HIVEP3: variants seen among roughly 807,000 people sequenced by gnomAD.
The protein encoded by HIVEP3 is transcription factor HIVEP3.
HIVEP3 carries 49 observed loss-of-function variants against 152.8 expected under a neutral mutation model. The ratio of observed to expected loss-of-function variants is 0.32; its 90% CI spans 0.26 to 0.41. HIVEP3 has a LOEUF of 0.41. HIVEP3 is among the 10% of genes least tolerant of loss of function. The probability of loss-of-function intolerance (pLI) is 1.00; values close to 1 mark genes in which losing one functional copy is unlikely to be tolerated. For missense variants in HIVEP3, 2,790 were observed against 3,103.3 expected, an observed-to-expected ratio of 0.90 and a Z score of 2.40; for synonymous variants, 1,269 against 1,289.0, an observed-to-expected ratio of 0.98 and a Z score of 0.33.
rs1644959533 is a variant in HIVEP3 at position 41,924,756 on chromosome 1, A to G, written n.120-6232T>C. The stretch of plus-strand genomic sequence containing the variant: ...AGTGATCATGAGAATGTCCTTATGC[A>G]GCTGTAGTCTCTGTTCCAGAGCTTT... On this transcript the variant is annotated intron_variant and non_coding_transcript_variant, in intron 1 of 3. Coordinates refer to the HIVEP3 transcript ENST00000489103. Among the ~76,000 whole-genome samples the G allele has an allele frequency of 2.0e-5, 3 of 152,194 alleles. No homozygotes were observed. The South Asian group carries it at 6.2e-4, about 32-fold the overall frequency.
chr1:41,999,383 C>T (rs565280013), intron 1 of HIVEP3, among the ~76,000 whole-genome samples: 1 of 152,052 alleles, frequency 6.6e-6, no homozygotes, highest in Non-Finnish European at 1.5e-5. Context: ...AAAATTAACT[C>T]ATAAAAGTGC....
At chr1:41,793,332 T>G (rs1255671125) in intron 1 of HIVEP3, among the ~76,000 whole-genome samples, 4 of 152,236 alleles carry the variant, frequency 2.6e-5, no homozygotes. Context: ...CCTGGTTCTC[T>G]GACTGCTTCA....
intron 2 of HIVEP3, among the ~76,000 whole-genome samples, chr1:41,682,993 G>C (rs1377686107): frequency 1.3e-5 from 2 of 152,200 alleles, no homozygotes; most frequent in Non-Finnish European, 2.9e-5. Flanking sequence ...ATCTAAACTG[G>C]GTCTTAAATG....
intron 1 of HIVEP3, among the ~76,000 whole-genome samples, chr1:41,949,828 C>T (rs553412945): frequency 6.6e-6 from 1 of 152,180 alleles, no homozygotes; most frequent in Non-Finnish European, 1.5e-5. Flanking sequence ...GATCCCTGGA[C>T]CAGCCTGCTA....
intron 1 of HIVEP3, among the ~76,000 whole-genome samples, chr1:41,999,224 G>T (rs368122833): frequency 1.1e-4 from 16 of 151,972 alleles, no homozygotes; most frequent in African/African-American, 3.9e-4. Flanking sequence ...TAAAAGCAAC[G>T]CATGCCCCGT....
intron 1 of HIVEP3, among the ~76,000 whole-genome samples, chr1:41,758,737 GT>G (rs1647477381): frequency 6.6e-6 from 1 of 152,222 alleles, no homozygotes; most frequent in South Asian, 2.1e-4. Flanking sequence ...ACTGGTAGTA[GT>G]TATGCCATTT....
In HIVEP3 at chr1:41,732,465, G is replaced by A. The variant is rs1428596902; in HGVS notation, c.-800-31470C>T. 2.6e-5 allele frequency among the ~76,000 whole-genome samples: 4 copies of A among 152,104 alleles called. No homozygotes were observed. In the East Asian group the frequency reaches 7.7e-4, roughly 29 times the overall value. On this transcript the variant is annotated intron_variant, in intron 1 of 8. Transcript: ENST00000372583. ...TCCCCAGCAGGGTGACTGAGGGGAGGGCACACAGGTGCTAGGGAAGGTGGC... is the reference window on the plus strand; with the variant it reads ...TCCCCAGCAGGGTGACTGAGGGGAGAGCACACAGGTGCTAGGGAAGGTGGC...
At chr1:41,624,491 TCA>T (rs1211025150) in intron 3 of HIVEP3, among the ~76,000 whole-genome samples, 1 of 152,206 alleles carries the variant, frequency 6.6e-6, no homozygotes, top group Non-Finnish European at 1.5e-5. Context: ...ATCTTGACCT[TCA>T]CCGTTGAAAT....
chr1:41,999,479 C>G lies in HIVEP3; in HGVS notation n.119+36328G>C, dbSNP rs1334849952. Among the ~76,000 whole-genome samples, 5 of 152,132 alleles carry G rather than the reference C, an allele frequency of 3.3e-5. No individual in the cohort carries two copies. In the East Asian group the frequency reaches 9.6e-4, roughly 29 times the overall value. On this transcript the variant is annotated intron_variant and non_coding_transcript_variant, in intron 1 of 3. Transcript: ENST00000489103. ...AATTAGGAGAAGACCAAGTTCGCAGCTCACATCAATGGGCATTCAAGTCAG... is the reference window on the plus strand; with the variant it reads ...AATTAGGAGAAGACCAAGTTCGCAGGTCACATCAATGGGCATTCAAGTCAG...
intron 2 of HIVEP3, among the ~76,000 whole-genome samples, chr1:41,644,490 C>T (rs1000950549): frequency 1.3e-5 from 2 of 152,124 alleles, no homozygotes; most frequent in African/African-American, 2.4e-5. Context: ...ATTTCTTTAC[C>T]AGCCAGAATA....
At chr1:41,867,914 C>G (rs1157230179) in intron 1 of HIVEP3, among the ~76,000 whole-genome samples, 2 of 151,904 alleles carry the variant, frequency 1.3e-5, no homozygotes, top group Non-Finnish European at 2.9e-5. Flanking sequence ...CTCCCTGCTT[C>G]GATCTCTGCC....
At chr1:41,767,410 T>C (rs1359553814) in intron 1 of HIVEP3, among the ~76,000 whole-genome samples, 1 of 152,106 alleles carries the variant, frequency 6.6e-6, no homozygotes, top group African/African-American at 2.4e-5. Context: ...CTCCCCTCCT[T>C]TAGGGACATG....
At chr1:41,732,948 T>A (rs1438566400) in intron 1 of HIVEP3, among the ~76,000 whole-genome samples, 2 of 152,092 alleles carry the variant, frequency 1.3e-5, no homozygotes, top group Non-Finnish European at 2.9e-5. Flanking sequence ...TTCACCCATG[T>A]CCCTAGGACC....
intron 2 of HIVEP3, among the ~76,000 whole-genome samples, chr1:41,698,658 T>A (rs1439361661): frequency 1.3e-5 from 2 of 152,158 alleles, no homozygotes; most frequent in Non-Finnish European, 2.9e-5. Flanking sequence ...TCCTGGTGTT[T>A]CCCGTGCCAT....
intron 1 of HIVEP3, among the ~76,000 whole-genome samples, chr1:41,855,822 G>A (rs918624785): frequency 2.0e-5 from 3 of 152,218 alleles, no homozygotes; most frequent in Non-Finnish European, 2.9e-5. Flanking sequence ...TGACATGGGT[G>A]GTAATTGTCT....
intron 1 of HIVEP3, among the ~76,000 whole-genome samples, chr1:41,894,922 A>C (rs1644504181): frequency 6.6e-6 from 1 of 152,196 alleles, no homozygotes; most frequent in Non-Finnish European, 1.5e-5. Context: ...AGCACGCTGC[A>C]AGAGCTCCCT....
At position 41,720,481 on chromosome 1, in the gene HIVEP3, C is replaced by G. The variant is rs530203951; in HGVS notation, c.-800-19486G>C. The stretch of plus-strand genomic sequence containing the variant: ...ACATTATTATTCTACCTTTTCAAAG[C>G]CTATTATGTGTGATTCCTATGTGAG... On this transcript the variant is annotated intron_variant, in intron 1 of 8. Transcript: ENST00000372583. 2.4e-4 allele frequency among the ~76,000 whole-genome samples: 37 copies of G among 152,296 alleles called. No homozygotes were observed. In the South Asian group the frequency reaches 7.7e-3, roughly 32 times the overall value.
At chr1:41,891,390 T>C (rs1644444246) in intron 1 of HIVEP3, among the ~76,000 whole-genome samples, 1 of 152,210 alleles carries the variant, frequency 6.6e-6, no homozygotes, top group African/African-American at 2.4e-5. Flanking sequence ...TTTGCTAAAA[T>C]ACAAAACTCA....
At chr1:41,650,559 C>T in intron 2 of HIVEP3, among the ~76,000 whole-genome samples, 2 of 96,872 alleles carry the variant, frequency 2.1e-5, no homozygotes, top group African/African-American at 4.0e-5. Flanking sequence ...TTTTTGTTTT[C>T]TGGGTTTTTT....
Sources: gnomAD v4.1 joint callset for allele counts (sites outside exome capture counted in the v4.1 genomes callset) on GRCh38, gnomAD v4.1.1 for gene constraint, MANE v1.5 for transcripts, NCBI Gene and HGNC (gene_info 2026-07-23, HGNC 2026-07-21) for gene names.